MTA1: variants seen among roughly 807,000 people sequenced by gnomAD.
MTA1 encodes metastasis associated 1.
In MTA1, 15 loss-of-function variants were observed where a neutral mutation model predicts 97.0. The ratio of observed to expected loss-of-function variants is 0.15; its 90% CI spans 0.10 to 0.24. The LOEUF (loss-of-function observed/expected upper bound fraction) is 0.24. Among genes scored for constraint, MTA1 ranks in the 10% least tolerant of loss-of-function variants. The pLI is 1.00. For missense variants in MTA1, 709 were observed against 1,015.1 expected, an observed-to-expected ratio of 0.70 and a Z score of 4.10; for synonymous variants, 435 against 417.5, an observed-to-expected ratio of 1.04 and a Z score of -0.51.
Position 105,463,332 on chromosome 14 carries a change from G to A in MTA1, c.1017+74G>A. The stretch of plus-strand genomic sequence containing the variant: ...TGCGCCCCATCCTCTCCCAGCAGGT[G>A]GGCGTGCACTGCTGCAGCAGGAGGG... On this transcript the variant is annotated intron_variant, in intron 11 of 20. Coordinates refer to ENST00000331320, the MANE Select transcript of MTA1 (RefSeq NM_004689.4). This position sits in a 1 kb window ranked among gnomAD's most constrained non-coding sequence, Gnocchi z 5.9. The A allele has an allele frequency of 6.4e-7, 1 of 1,551,146 alleles. No individual in the cohort carries two copies.
intron 1 of MTA1, among the ~76,000 whole-genome samples, chr14:105,431,757 C>T (rs1168035208): frequency 2.0e-5 from 3 of 152,088 alleles, no homozygotes; most frequent in African/African-American, 7.2e-5. Flanking sequence ...TCCCAAGTAG[C>T]TGGGACTAAA....
At chr14:105,440,011 G>A (rs1201212016) in intron 2 of MTA1, among the ~76,000 whole-genome samples, 2 of 152,212 alleles carry the variant, frequency 1.3e-5, no homozygotes, top group East Asian at 3.8e-4. Context: ...CATTCCCTGC[G>A]GTATCTGCCA....
chr14:105,450,214 C>T, intron 5 of MTA1, 30 bp downstream of exon 5: 1 of 1,611,252 alleles, frequency 6.2e-7, no homozygotes, highest in Non-Finnish European at 8.5e-7. Flanking sequence ...GCCCTGGGCC[C>T]CTCGGGCTGC....
chr14:105,470,291 C>A lies in MTA1; in HGVS notation c.*76C>A. 7.7e-7 allele frequency: 1 copy of A among 1,297,006 alleles called. No homozygotes were observed. The highest frequency in any genetic ancestry group is 1.0e-6 in the Non-Finnish European group (1 of 1,005,010). The allele number at this position is 1,297,006 out of a possible 1,614,324, so 80.3% of individuals were successfully genotyped here. On this transcript the variant is annotated 3_prime_UTR_variant, in exon 21 of 21. Transcript: ENST00000331320. ...CCCTTCCCAGCCAGCCCGCCGCCCG[C>A]CCCTCAGTTTGGTAGTGCCCCACCT...
intron 16 of MTA1, chr14:105,466,214 G>C: frequency 1.7e-6 from 1 of 594,154 alleles, no homozygotes; most frequent in Non-Finnish European, 3.0e-6. Context: ...TGCGGGACTG[G>C]CCCGGGCACA....
chr14:105,465,077 C>T lies in MTA1; in HGVS notation c.1535-17C>T, dbSNP rs782739367. 6.7e-5 allele frequency: 101 copies of T among 1,496,700 alleles called. No individual in the cohort carries two copies. Among genetic ancestry groups the T allele is most frequent in the South Asian group, 9.9e-5 (8 of 80,450 alleles). 92.7% of individuals were successfully genotyped at this position (1,496,700 alleles called of 1,614,324 possible). On this transcript the variant is annotated splice_polypyrimidine_tract_variant and intron_variant, in intron 15 of 20. Transcript: ENST00000331320. ...CCTGGGGGTGCCCCACCCCTCACAC[C>T]GTGTGGTACCCCGCAGGCACGGCGC...
At chr14:105,443,760 A>T (rs1458843705) in intron 2 of MTA1, among the ~76,000 whole-genome samples, 8 of 152,146 alleles carry the variant, frequency 5.3e-5, no homozygotes, top group African/African-American at 1.7e-4. Context: ...TAGCCTGAGC[A>T]ATGTGGTGAA....
In MTA1 at chr14:105,464,832, G is replaced by C. The variant is rs2083501546; in HGVS notation, c.1503G>C (p.Leu501=). ...GGCACGCTGCGCGGCACCCCTACCT[G>C]CCCATCAACAGCGCGGCCATCAAGG... ...RPWHAARHPY[L]PINSAAIKAE... is the part of the protein sequence containing the mutation. Residue 501 remains leucine, a synonymous_variant, in exon 15 of 21, where the codon CTG becomes CTC. Coordinates refer to ENST00000331320, the MANE Select transcript of MTA1 (RefSeq NM_004689.4). 1 of 1,591,478 alleles carries C rather than the reference G, an allele frequency of 6.3e-7. No homozygotes were observed. Among genetic ancestry groups the C allele is most frequent in the African/African-American group, 1.3e-5 (1 of 74,346 alleles).
chr14:105,438,541 C>A, intron 1 of MTA1, 131 bp from the exon 2 acceptor site: 1 of 785,416 alleles, frequency 1.3e-6, no homozygotes, highest in Non-Finnish European at 2.2e-6. Context: ...TCTGTTTATT[C>A]CTCGCCTGAG....
At chr14:105,450,014 G>C (rs368436538) in intron 4 of MTA1, 44 bp from the exon 5 acceptor site, 1 of 1,612,240 alleles carries the variant, frequency 6.2e-7, no homozygotes, top group African/African-American at 1.3e-5. Context: ...TGGTCTGGCA[G>C]TGTGCGTCTG....
intron 1 of MTA1, among the ~76,000 whole-genome samples, chr14:105,429,752 C>CTTTTTTTTTTTTTTT (rs59028638): frequency 2.0e-5 from 1 of 50,568 alleles, no homozygotes; most frequent in African/African-American, 9.0e-5. Flanking sequence ...TGCGCCCGGC[C>CTTTTTTTTTTTTTTT]TTTTTTTTTT....
chr14:105,456,482 G>A (rs185852364), intron 7 of MTA1, among the ~76,000 whole-genome samples: 3 of 152,198 alleles, frequency 2.0e-5, no homozygotes, highest in Admixed American at 6.5e-5. Flanking sequence ...TGCCTTCCCC[G>A]CTGCCCTGCC....
intron 16 of MTA1, chr14:105,465,469 C>A (rs2083536198): frequency 7.0e-6 from 2 of 287,444 alleles, no homozygotes; most frequent in African/African-American, 2.2e-5. Context: ...CGGGGGCTTC[C>A]CTGCCAGTCT....
chr14:105,464,716 T>A lies in MTA1; in HGVS notation c.1387T>A (p.Phe463Ile). 6.2e-7 allele frequency: 1 copy of A among 1,607,346 alleles called. No individual in the cohort carries two copies. The highest frequency in any genetic ancestry group is 8.5e-7 in the Non-Finnish European group (1 of 1,175,870). Residue 463 changes from phenylalanine to isoleucine, a missense_variant, in exon 15 of 21, where the codon TTT (phenylalanine) becomes ATT (isoleucine). Transcript: ENST00000331320. ...LPARSSGSPK[F>I]AMKTRQAFYL... ...AGCCCGGAGCAGCGGGAGCCCCAAG[T>A]TTGCCATGAAGACCAGGCAGGCTTT...
At position 105,464,737 on chromosome 14, in the gene MTA1, G is replaced by C. The variant is rs781968485; in HGVS notation, c.1408G>C (p.Ala470Pro). 1.2e-6 allele frequency: 2 copies of C among 1,609,912 alleles called. No homozygotes were observed. The highest frequency in any genetic ancestry group is 1.7e-6 in the Non-Finnish European group (2 of 1,177,822). Residue 470 changes from alanine to proline, a missense_variant, in exon 15 of 21, where the codon GCT (alanine) becomes CCT (proline). Coordinates refer to ENST00000331320, the MANE Select transcript of MTA1 (RefSeq NM_004689.4). The stretch of plus-strand genomic sequence containing the variant: ...CAAGTTTGCCATGAAGACCAGGCAG[G>C]CTTTCTATCTGCACACGACGAAGCT... ...SPKFAMKTRQ[A>P]FYLHTTKLTR...
chr14:105,434,456 G>T lies in MTA1; in HGVS notation c.29-4216G>T, dbSNP rs782426872. Among the ~76,000 whole-genome samples the T allele has an allele frequency of 4.9e-5, 7 of 142,424 alleles. No homozygotes were observed. In the Middle Eastern group the frequency reaches 0.015, roughly 308 times the overall value. 93.4% of individuals were successfully genotyped at this position (142,424 alleles called of 152,430 possible). A position where few individuals can be genotyped will look rare whatever the true frequency, so the allele number is the denominator to read the frequency against. On this transcript the variant is annotated intron_variant, in intron 1 of 20. Coordinates refer to ENST00000331320, the MANE Select transcript of MTA1 (RefSeq NM_004689.4). ...TTGTGAATAGTACTTTTACAATTTT[G>T]ATTTCCATTTGTTAGTAGTACGTAG...
chr14:105,423,271 G>A (rs1595246447), intron 1 of MTA1, among the ~76,000 whole-genome samples: 1 of 144,548 alleles, frequency 6.9e-6, no homozygotes, highest in East Asian at 2.0e-4. Flanking sequence ...CCAAGCTGGA[G>A]TGCAGAGGCG....
chr14:105,460,206 C>T, intron 8 of MTA1, 152 bp from the exon 9 acceptor site: 5 of 625,606 alleles, frequency 8.0e-6, no homozygotes, highest in Middle Eastern at 4.3e-4. Flanking sequence ...CCGTGCTGCC[C>T]ATGGCCCCTG....
chr14:105,420,164 C>G lies in MTA1; in HGVS notation c.28+101C>G. ...CCCCTCTGCCCCGCAGGCCCCGCGCCCCCCGCCCGCCCTCGCGGCCCCCGG... is the reference window on the plus strand; with the variant it reads ...CCCCTCTGCCCCGCAGGCCCCGCGCGCCCCGCCCGCCCTCGCGGCCCCCGG... On this transcript the variant is annotated intron_variant, in intron 1 of 20. Transcript: ENST00000331320. This position sits in a 1 kb window ranked among gnomAD's most constrained non-coding sequence, Gnocchi z 5.3. 2 of 568,258 alleles carry G rather than the reference C, an allele frequency of 3.5e-6. No homozygotes were observed. The highest frequency in any genetic ancestry group is 4.5e-6 in the Non-Finnish European group (2 of 446,504). 35.2% of individuals were successfully genotyped at this position (568,258 alleles called of 1,614,324 possible).
Sources: gnomAD v4.1 joint callset for allele counts (sites outside exome capture counted in the v4.1 genomes callset) on GRCh38, gnomAD v4.1.1 for gene constraint, Gnocchi (gnomAD v3.1) non-coding constraint, MANE v1.5 for transcripts, NCBI Gene and HGNC (gene_info 2026-07-23, HGNC 2026-07-21) for gene names.